KDM2B: variants seen among roughly 807,000 people sequenced by gnomAD.
KDM2B encodes lysine demethylase 2B.
KDM2B carries 26 observed loss-of-function variants against 150.0 expected under a neutral mutation model. The observed-to-expected ratio is 0.17, with a 90% confidence interval of 0.13 to 0.24. The LOEUF (loss-of-function observed/expected upper bound fraction) is 0.24. KDM2B is among the 10% of genes least tolerant of loss of function. The probability of loss-of-function intolerance (pLI) is 1.00; values close to 1 mark genes in which losing one functional copy is unlikely to be tolerated. For missense variants in KDM2B, 1,265 were observed against 1,816.9 expected (o/e 0.70, Z 5.52); for synonymous variants, 734 against 729.5 (o/e 1.01, Z -0.10).
At chr12:121,410,274 C>T in the KDM2B span, among the ~76,000 whole-genome samples, 1 of 151,810 alleles carries the variant, frequency 6.6e-6, no homozygotes, top group African/African-American at 2.4e-5. Context: ...CGTGGTGGCT[C>T]ATGCCTGTAA....
intron 4 of KDM2B, among the ~76,000 whole-genome samples, chr12:121,569,471 C>T (rs1421324940): frequency 1.3e-5 from 2 of 152,162 alleles, no homozygotes; most frequent in African/African-American, 2.4e-5. Flanking sequence ...GAGAAACAGA[C>T]TCAATTTCTC....
chr12:121,512,129 A>G (rs1211373656), intron 10 of KDM2B, among the ~76,000 whole-genome samples: 4 of 152,036 alleles, frequency 2.6e-5, no homozygotes, highest in African/African-American at 9.7e-5. Flanking sequence ...TCTCCGGGGG[A>G]TCGTGGAGTT....
intron 4 of KDM2B, among the ~76,000 whole-genome samples, chr12:121,556,021 A>C (rs1437340728): frequency 6.6e-6 from 1 of 151,798 alleles, no homozygotes; most frequent in Non-Finnish European, 1.5e-5. Context: ...CTGCCTCCCA[A>C]GTTCAAGAGA....
chr12:121,567,099 G>T (rs536792599), intron 4 of KDM2B, among the ~76,000 whole-genome samples: 1 of 152,010 alleles, frequency 6.6e-6, no homozygotes, highest in South Asian at 2.1e-4. Context: ...TGGCCAGGCC[G>T]GTCTCAAACT....
chr12:121,565,580 G>C (rs1350805018), intron 4 of KDM2B, among the ~76,000 whole-genome samples: 4 of 152,092 alleles, frequency 2.6e-5, no homozygotes, highest in African/African-American at 9.7e-5. Context: ...GCCTCCCAAA[G>C]TGCTAGAATT....
intron 12 of KDM2B, among the ~76,000 whole-genome samples, chr12:121,483,304 A>C (rs1300961548): frequency 6.6e-6 from 1 of 151,898 alleles, no homozygotes; most frequent in Non-Finnish European, 1.5e-5. Context: ...CACCAAAGAC[A>C]AGCTCCAGTC....
chr12:121,500,958 AGGCAT>A (rs1245340502), intron 11 of KDM2B, among the ~76,000 whole-genome samples: 9 of 152,202 alleles, frequency 5.9e-5, no homozygotes, highest in African/African-American at 2.2e-4. Flanking sequence ...AAAATTAGCC[AGGCAT>A]GGCGGCACAT....
chr12:121,558,925 C>T (rs1555313264), intron 4 of KDM2B, among the ~76,000 whole-genome samples: 1 of 152,118 alleles, frequency 6.6e-6, no homozygotes, highest in African/African-American at 2.4e-5. Context: ...CTCCCACTGC[C>T]ATCGCCGCCC....
Position 121,444,219 on chromosome 12 carries a change from G to T in KDM2B, c.2244C>A (p.Leu748=), listed in dbSNP as rs782200470. 1 of 1,613,672 alleles carries T rather than the reference G, an allele frequency of 6.2e-7. No homozygotes were observed. The highest frequency in any genetic ancestry group is 2.2e-5 in the East Asian group (1 of 44,884). ...TGTCCCGGTTCATCTTCTGCTCCTTGAGCAGGGAGCCGGGCAGGTTGGAGG... is the reference window on the plus strand; with the variant it reads ...TGTCCCGGTTCATCTTCTGCTCCTTTAGCAGGGAGCCGGGCAGGTTGGAGG... ...KYASNLPGSL[L]KEQKMNRDNK... The change falls in exon 16 of 23, where the codon CTC becomes CTA. Residue 748 remains leucine (L), a synonymous_variant. Transcript: ENST00000377071.
intron 22 of KDM2B, among the ~76,000 whole-genome samples, chr12:121,431,865 T>C (rs1555285587): frequency 2.8e-5 from 4 of 142,510 alleles, no homozygotes; most frequent in Non-Finnish European, 6.0e-5. Flanking sequence ...TTTTCATGGG[T>C]TTTTTTCTTT....
intron 6 of KDM2B, among the ~76,000 whole-genome samples, chr12:121,544,974 C>T (rs1363506196): frequency 1.3e-5 from 2 of 151,454 alleles, no homozygotes; most frequent in East Asian, 1.9e-4. Context: ...GTCCTGGAGC[C>T]GGGTGGGGGA....
chr12:121,458,827 C>A (rs1407052044), intron 12 of KDM2B, among the ~76,000 whole-genome samples: 1 of 151,790 alleles, frequency 6.6e-6, no homozygotes, highest in Non-Finnish European at 1.5e-5. Context: ...GTGGCTCACT[C>A]CTGTAATCCC....
intron 8 of KDM2B, chr12:121,524,823 C>T: frequency 3.0e-6 from 1 of 329,344 alleles, no homozygotes; most frequent in Non-Finnish European, 6.3e-6. Flanking sequence ...GCTATTCAGG[C>T]CAAGCGACCA....
In KDM2B at chr12:121,549,483, G is replaced by T. The variant is rs781830512; in HGVS notation, c.553C>A (p.His185Asn). 14 of 1,605,664 alleles carry T rather than the reference G, an allele frequency of 8.7e-6. No homozygotes were observed. In the East Asian group the frequency reaches 3.1e-4, roughly 36 times the overall value. ...ACCACAGTCGGACGCTTGACCAAGT[G>T]CTCCAGCTTGGTGTGGCTGAACTCT... Reference protein sequence around the residue: ...SLEFSHTKLEHLVKRPTVVDL... With the variant: ...SLEFSHTKLENLVKRPTVVDL... Residue 185 changes from histidine to asparagine, a missense_variant, in exon 5 of 23, where the codon CAC becomes AAC. His to Asn is a moderately conservative substitution (Grantham distance 68). Transcript: ENST00000377071. The surrounding 1 kb of genome is among the most constrained non-coding windows in gnomAD (Gnocchi z 4.4).
chr12:121,418,605 G>A, the KDM2B span: 1 of 152,312 alleles, frequency 6.6e-6, no homozygotes, highest in Non-Finnish European at 1.5e-5. Context: ...CCTGCAGTCT[G>A]ATACTTGGCA....
chr12:121,517,872 C>T (rs782315937), intron 9 of KDM2B, among the ~76,000 whole-genome samples: 3 of 151,904 alleles, frequency 2.0e-5, no homozygotes, highest in Non-Finnish European at 2.9e-5. Flanking sequence ...CAGGCAAAGC[C>T]ATGTTTTAGG....
intron 12 of KDM2B, among the ~76,000 whole-genome samples, chr12:121,465,999 G>A (rs1189388411): frequency 4.6e-5 from 7 of 152,080 alleles, no homozygotes; most frequent in African/African-American, 1.7e-4. Context: ...ACCTCAAAAC[G>A]CACACGTGCC....
At chr12:121,574,694 T>C (rs1891384693) in intron 3 of KDM2B, 101 bp from the exon 4 acceptor site, 3 of 1,068,598 alleles carry the variant, frequency 2.8e-6, no homozygotes, top group Non-Finnish European at 4.2e-6. Context: ...AGAGATCCTT[T>C]CCCCTCAGTT....
chr12:121,409,130 C>T, the KDM2B span, among the ~76,000 whole-genome samples: 1 of 152,140 alleles, frequency 6.6e-6, no homozygotes, highest in Non-Finnish European at 1.5e-5. Context: ...CAGGCGTGCA[C>T]CACCATGCCC....
Sources: gnomAD v4.1 joint callset for allele counts (sites outside exome capture counted in the v4.1 genomes callset) on GRCh38, gnomAD v4.1.1 for gene constraint, Gnocchi (gnomAD v3.1) non-coding constraint, MANE v1.5 for transcripts, NCBI Gene and HGNC (gene_info 2026-07-23, HGNC 2026-07-21) for gene names.